Variants in SBF1 observed in about 807,000 individuals in gnomAD.
The protein encoded by SBF1 is SET binding factor 1, also known as myotubularin-related protein 5.
A neutral mutation model predicts 215.8 loss-of-function variants in SBF1; 65 were observed. That is an observed-to-expected ratio of 0.30 (90% confidence interval 0.25 to 0.37). SBF1 has a LOEUF of 0.37. Ranked by LOEUF, SBF1 falls within the 10% of genes least tolerant of loss-of-function variation. SBF1 has a pLI of 1.00. For synonymous variants in SBF1, 1,410 were observed against 1,122.8 expected (o/e 1.26, Z -5.11); for missense variants, 2,634 against 2,667.8 (o/e 0.99, Z 0.28).
intron 22 of SBF1, 76 bp downstream of exon 22, chr22:50,461,443 AGAGG>A: frequency 6.7e-7 from 1 of 1,501,186 alleles, no homozygotes; most frequent in Non-Finnish European, 8.9e-7. Flanking sequence ...GAGAAAAGGG[AGAGG>A]GAGGCAGGGA....
In SBF1 at chr22:50,474,969, GC is replaced by G; in HGVS notation, c.-130del. The G allele has an allele frequency of 6.9e-6, 1 of 144,124 alleles. No homozygotes were observed. The highest frequency in any genetic ancestry group is 8.3e-6 in the Non-Finnish European group (1 of 120,348). The allele number at this position is 144,124 out of a possible 1,614,324, so 8.9% of individuals were successfully genotyped here. On this transcript the variant is annotated 5_prime_UTR_variant, in exon 1 of 41. It removes the in-frame stop codon of an upstream open reading frame in the 5' UTR. Coordinates refer to ENST00000380817, the MANE Select transcript of SBF1 (RefSeq NM_002972.4). ...CCGGACACCCCTGGTTCGCTCCGCG[GC>G]GGCGGCGGCGGCGGCGGCGGCGGCC... is the stretch of plus-strand genomic sequence containing the variant.
In SBF1 at chr22:50,459,588, G is replaced by A. The variant is rs772502483; in HGVS notation, c.3570C>T (p.Asn1190=). Residue 1190 remains asparagine (N), a synonymous_variant, in exon 27 of 41, where the codon AAC becomes AAT. Transcript: ENST00000380817. ...LQRVSRCYRQ[N]RFPVVCWRSG... is the part of the protein sequence containing the mutation. ...TGCGCCAGCAGACCACGGGGAAGCG[G>A]TTCTGGCGGTAGCAGCGGGACACGC... The A allele has an allele frequency of 1.2e-6, 2 of 1,609,700 alleles. No homozygotes were observed. Among genetic ancestry groups the A allele is most frequent in the East Asian group, 4.5e-5 (2 of 44,862 alleles).
At position 50,463,408 on chromosome 22, in the gene SBF1, G is replaced by A; in HGVS notation, c.1774C>T (p.Leu592=). The change falls in exon 16 of 41, where the codon CTG becomes TTG. Residue 592 remains leucine, a synonymous_variant. Coordinates refer to ENST00000380817, the MANE Select transcript of SBF1 (RefSeq NM_002972.4). The stretch of plus-strand genomic sequence containing the variant: ...CAGCGGCGGGCAGCTCGCCCCTTCA[G>A]GGCCCTCAACACGGCTGGGAGCAGC... ...KKLLPAVLRA[L]KGRAARRCLA... 5.0e-6 allele frequency: 8 copies of A among 1,584,682 alleles called. No homozygotes were observed. Among genetic ancestry groups the A allele is most frequent in the East Asian group, 2.3e-5 (1 of 43,442 alleles).
chr22:50,447,428 T>G lies in SBF1; in HGVS notation c.5477A>C (p.Asp1826Ala), dbSNP rs1379235394. 1.2e-6 allele frequency: 2 copies of G among 1,613,826 alleles called. No individual in the cohort carries two copies. Among genetic ancestry groups the G allele is most frequent in the African/African-American group, 2.7e-5 (2 of 74,896 alleles). The stretch of plus-strand genomic sequence containing the variant: ...GTCGATGACACCCTTGCACTCTGTG[T>G]CCACACGGTGGTCGTAGTAGCGCAG... ...HQLRYYDHRV[D>A]TECKGVIDLA... Residue 1826 changes from aspartate to alanine, a missense_variant, in exon 40 of 41, where the codon GAC becomes GCC. By Grantham distance (126) the Asp-to-Ala change is moderately radical. Transcript: ENST00000380817.
intron 23 of SBF1, 98 bp from the exon 24 acceptor site, chr22:50,460,810 CAGAG>C (rs1283468529): frequency 8.9e-6 from 12 of 1,341,376 alleles, no homozygotes; most frequent in Non-Finnish European, 1.2e-5. Context: ...GCAGCCATGA[CAGAG>C]AGAGAAGCAG....
intron 15 of SBF1, among the ~76,000 whole-genome samples, chr22:50,463,654 C>G (rs2067618171): frequency 6.6e-6 from 1 of 152,224 alleles, no homozygotes; most frequent in African/African-American, 2.4e-5. Context: ...AGATGCTGCA[C>G]CTGTGAGCTG....
In SBF1 at chr22:50,448,667, T is replaced by C. The variant is rs2066928758; in HGVS notation, c.5044-17A>G. 4.4e-6 allele frequency: 7 copies of C among 1,581,008 alleles called. No homozygotes were observed. The highest frequency in any genetic ancestry group is 6.1e-6 in the Non-Finnish European group (7 of 1,155,994). On this transcript the variant is annotated splice_polypyrimidine_tract_variant and intron_variant, in intron 36 of 40. Coordinates refer to ENST00000380817, the MANE Select transcript of SBF1 (RefSeq NM_002972.4). ...CTGCAGCTCCTGGGGGAAGAATTAA[T>C]GGCAAGTTTATTCAAAAGGAAATAT...
rs1299890112 is a variant in SBF1, at chr22:50,447,352, A to C, written c.5553T>G (p.Pro1851=). 6.2e-7 allele frequency: 1 copy of C among 1,613,862 alleles called. No homozygotes were observed. The highest frequency in any genetic ancestry group is 1.3e-5 in the African/African-American group (1 of 74,912). Residue 1851 remains proline, a synonymous_variant, in exon 40 of 41, where the codon CCT becomes CCG. Coordinates refer to ENST00000380817, the MANE Select transcript of SBF1 (RefSeq NM_002972.4). ...AGAAGGCCTTCTCGTCCACAGTCTTAGGGGCACCCATAGTGGGCGTGCCAG... is the reference window on the plus strand; with the variant it reads ...AGAAGGCCTTCTCGTCCACAGTCTTCGGGGCACCCATAGTGGGCGTGCCAG... ...VAPGTPTMGA[P]KTVDEKAFFD... is the part of the protein sequence containing the mutation.
At chr22:50,454,468 G>C (rs956047202) in intron 36 of SBF1, 44 bp downstream of exon 36, 1 of 1,525,464 alleles carries the variant, frequency 6.6e-7, no homozygotes, top group Non-Finnish European at 9.0e-7. Context: ...CTGAGCGAGA[G>C]GAGGGGGGTG....
intron 36 of SBF1, among the ~76,000 whole-genome samples, chr22:50,450,047 C>G (rs186053532): frequency 6.6e-6 from 1 of 152,194 alleles, no homozygotes; most frequent in Non-Finnish European, 1.5e-5. Flanking sequence ...GAGGCAGAGA[C>G]GGGACGTCCA....
chr22:50,463,031 C>T, intron 16 of SBF1, 93 bp from the exon 17 acceptor site: 1 of 1,324,358 alleles, frequency 7.6e-7, no homozygotes, highest in East Asian at 2.5e-5. Flanking sequence ...CCACCACAGA[C>T]CAGCACCTGA....
rs116312398 is a variant in SBF1, at chr22:50,464,721, G to A, written c.1449C>T (p.Ala483=). Residue 483 remains alanine, a synonymous_variant, in exon 14 of 41, where the codon GCC becomes GCT. Transcript: ENST00000380817. ...GCCTCTGTACCTTGTGCATCGCCACGGCTGGGTACGGGTTCTCCTGTGGGG... is the reference window on the plus strand; with the variant it reads ...GCCTCTGTACCTTGTGCATCGCCACAGCTGGGTACGGGTTCTCCTGTGGGG... ...QLYKNENPYP[A]VAMHKVQRPG... 245 of 1,607,226 alleles carry A rather than the reference G, an allele frequency of 1.5e-4. No homozygotes were observed. The African/African-American group carries it at 2.5e-3, about 17-fold the overall frequency.
Position 50,466,032 on chromosome 22 carries a change from T to C in SBF1, c.940A>G (p.Ile314Val), listed in dbSNP as rs376021524. ...GGTGGAATGTGCACACACTCAGGAA[T>C]GGTGACCGTCCCTCCATCCAGATCA... Reference protein sequence around the residue: ...VADLDGGTVTIPECVHIPPLP... With the variant: ...VADLDGGTVTVPECVHIPPLP... The change falls in exon 9 of 41, where the codon ATT (isoleucine) becomes GTT (valine). Residue 314 changes from isoleucine (I) to valine (V), a missense_variant. Coordinates refer to ENST00000380817, the MANE Select transcript of SBF1 (RefSeq NM_002972.4). 18 of 1,613,806 alleles carry C rather than the reference T, an allele frequency of 1.1e-5. No homozygotes were observed. The African/African-American group carries it at 2.0e-4, about 18-fold the overall frequency.
At chr22:50,466,554 A>G (rs2067766139) in intron 6 of SBF1, 51 bp downstream of exon 6, 1 of 1,528,762 alleles carries the variant, frequency 6.5e-7, no homozygotes, top group Admixed American at 2.0e-5. Flanking sequence ...CACATCCCTA[A>G]CTACCAGTCC....
chr22:50,451,775 G>C (rs949540086), intron 36 of SBF1, among the ~76,000 whole-genome samples: 1 of 151,524 alleles, frequency 6.6e-6, no homozygotes, highest in African/African-American at 2.4e-5. Flanking sequence ...AACAATACAG[G>C]CCAGAAAACA....
chr22:50,456,439 A>G, intron 30 of SBF1, 44 bp from the exon 31 acceptor site: 1 of 1,591,728 alleles, frequency 6.3e-7, no homozygotes, highest in Non-Finnish European at 8.5e-7. Flanking sequence ...ATGAGGCCCC[A>G]AGCCCCCTGC....
At chr22:50,462,538 G>GCCCCCAT (rs2067563125) in intron 18 of SBF1, 21 bp downstream of exon 18, 1 of 1,610,078 alleles carries the variant, frequency 6.2e-7, no homozygotes, top group Non-Finnish European at 8.5e-7. Flanking sequence ...CCAGCCCCCA[G>GCCCCCAT]CCCAGGGAGT....
In SBF1 at chr22:50,463,429, G is replaced by C. The variant is rs957648613; in HGVS notation, c.1753C>G (p.Leu585Val). The change falls in exon 16 of 41, where the codon CTC becomes GTC. Residue 585 changes from leucine to valine, a missense_variant. Transcript: ENST00000380817. The part of the protein sequence containing the change: ...EGKMLEAKKL[L>V]PAVLRALKGR... ...TTCAGGGCCCTCAACACGGCTGGGA[G>C]CAGCTGGGGGTGGGGAAAGGAGACA... The C allele has an allele frequency of 3.8e-6, 6 of 1,568,552 alleles. No individual in the cohort carries two copies. Among genetic ancestry groups the C allele is most frequent in the Middle Eastern group, 1.7e-4 (1 of 5,934 alleles).
In SBF1 at chr22:50,449,625, A is replaced by AACACACACACAC. The variant is rs59541336; in HGVS notation, c.5044-987_5044-976dup. Among the ~76,000 whole-genome samples, 713 of 146,928 alleles carry AACACACACACAC rather than the reference A, an allele frequency of 4.9e-3. 1 individual carries two copies. The highest frequency in any genetic ancestry group is 0.011 in the East Asian group (54 of 4,974). ...GTGAGATTCTGTCTCAAAACACACA[A>AACACACACACAC]ACACACACACACACACACACACACA... On this transcript the variant is annotated intron_variant, in intron 36 of 40. Coordinates refer to ENST00000380817, the MANE Select transcript of SBF1 (RefSeq NM_002972.4).
Sources: allele counts gnomAD v4.1 joint callset (sites outside exome capture counted in the v4.1 genomes callset), GRCh38; gene constraint gnomAD v4.1.1; transcripts MANE v1.5; gene names NCBI Gene and HGNC (gene_info 2026-07-23, HGNC 2026-07-21).